REEP3: variants seen among roughly 807,000 people sequenced by gnomAD.
REEP3 encodes receptor expression-enhancing protein 3.
In REEP3, 20 loss-of-function variants were observed where a neutral mutation model predicts 41.3. The observed-to-expected ratio is 0.48, with a 90% CI of 0.34 to 0.70. REEP3 has a LOEUF of 0.70. REEP3 is among the 30% of genes least tolerant of loss of function. REEP3 has a pLI of 0.01. For missense variants in REEP3, 271 were observed against 308.8 expected, an observed-to-expected ratio of 0.88 and a Z score of 0.92; for synonymous variants, 104 against 101.8, an observed-to-expected ratio of 1.02 and a Z score of -0.13.
At position 63,623,150 on chromosome 10, in the gene REEP3, T is replaced by C. The variant is rs1956368242; in HGVS notation, c.*2281T>C. The C allele has an allele frequency of 6.6e-6, 1 of 152,244 alleles. No individual in the cohort carries two copies. Among genetic ancestry groups the C allele is most frequent in the Non-Finnish European group, 1.5e-5 (1 of 68,040 alleles). 9.4% of individuals were successfully genotyped at this position (152,244 alleles called of 1,614,324 possible). A position where few individuals can be genotyped will look rare whatever the true frequency, so the allele number is the denominator to read the frequency against. On this transcript the variant is annotated 3_prime_UTR_variant, in exon 8 of 8. Coordinates refer to ENST00000373758, the MANE Select transcript of REEP3 (RefSeq NM_001001330.3). ...ATCAAAGATAGTCTCAAAGAGGTAG[T>C]ACAAGTCCTGTTTAACTGCACTTTT... is the stretch of plus-strand genomic sequence containing the variant.
In REEP3 at chr10:63,594,874, AG is replaced by A; in HGVS notation, c.182+24del. On this transcript the variant is annotated intron_variant, in intron 3 of 7. Transcript: ENST00000373758. ...TGCTTGGTAAGTTTTACTATTGAGAAGGGGCCAGACTACAGACTCATAATCA... is the reference window on the plus strand; with the variant it reads ...TGCTTGGTAAGTTTTACTATTGAGAAGGGCCAGACTACAGACTCATAATCA... The A allele has an allele frequency of 2.0e-6, 3 of 1,500,926 alleles. No individual in the cohort carries two copies. The highest frequency in any genetic ancestry group is 2.8e-6 in the Non-Finnish European group (3 of 1,076,944). The allele number at this position is 1,500,926 out of a possible 1,614,324, so 93.0% of individuals were successfully genotyped here. A position where few individuals can be genotyped will look rare whatever the true frequency, so the allele number is the denominator to read the frequency against.
chr10:63,529,246 G>A (rs905677205), intron 1 of REEP3, among the ~76,000 whole-genome samples: 1 of 152,120 alleles, frequency 6.6e-6, no homozygotes, highest in African/African-American at 2.4e-5. Context: ...TTTCACTAAT[G>A]AGCCTCTTTC....
intron 1 of REEP3, among the ~76,000 whole-genome samples, chr10:63,542,878 T>C (rs369642588): frequency 6.6e-6 from 1 of 152,232 alleles, no homozygotes; most frequent in African/African-American, 2.4e-5. Context: ...CTCAGCTCTT[T>C]ACTATGTCTC....
intron 1 of REEP3, among the ~76,000 whole-genome samples, chr10:63,536,811 T>C (rs186788925): frequency 1.8e-3 from 271 of 152,328 alleles, no homozygotes; most frequent in Admixed American, 5.4e-3. Flanking sequence ...TGAAATTCCA[T>C]TTCACACTTA....
At chr10:63,603,620 A>G (rs1050529836) in intron 5 of REEP3, among the ~76,000 whole-genome samples, 1 of 152,140 alleles carries the variant, frequency 6.6e-6, no homozygotes, top group African/African-American at 2.4e-5. Flanking sequence ...CCTAAATGAA[A>G]TCAGATACTG....
In REEP3 at chr10:63,569,105, A is replaced by G. The variant is rs145973191; in HGVS notation, c.105+2695A>G. Among the ~76,000 whole-genome samples, 465 of 152,298 alleles carry G rather than the reference A, an allele frequency of 3.1e-3. 2 individuals are homozygous for G. The highest frequency in any genetic ancestry group is 0.011 in the African/African-American group (453 of 41,566). ...ACAGCCTTGTACAATTCCATAGACA[A>G]CACTCTGCCCTACTGTGTAATATTT... On this transcript the variant is annotated intron_variant, in intron 2 of 7. Transcript: ENST00000373758.
chr10:63,600,050 A>G (rs946873812), intron 5 of REEP3, among the ~76,000 whole-genome samples: 109 of 152,298 alleles, frequency 7.2e-4, no homozygotes, highest in Admixed American at 7.1e-3. Flanking sequence ...ATAAACATAA[A>G]TATCATGTGT....
chr10:63,554,616 C>A (rs1955660463), intron 1 of REEP3, among the ~76,000 whole-genome samples: 1 of 152,168 alleles, frequency 6.6e-6, no homozygotes, highest in Admixed American at 6.5e-5. Flanking sequence ...TCATTAATCT[C>A]TCTAAGCCTT....
In REEP3 at chr10:63,610,245, T is replaced by C. The variant is rs763966753; in HGVS notation, c.476T>C (p.Ile159Thr). 6.2e-7 allele frequency: 1 copy of C among 1,603,002 alleles called. No homozygotes were observed. Among genetic ancestry groups the C allele is most frequent in the Non-Finnish European group, 8.5e-7 (1 of 1,174,022 alleles). Residue 159 changes from isoleucine (I) to threonine (T), a missense_variant, in exon 6 of 8, where the codon ATC becomes ACC. Transcript: ENST00000373758. ...TTCAGTATGCATGATTTAACAACTA[T>C]CCAAGGTGATGAGCCTGTGGGACAA... Reference protein sequence around the residue: ...RSFSMHDLTTIQGDEPVGQRP... With the variant: ...RSFSMHDLTTTQGDEPVGQRP...
chr10:63,549,104 A>G (rs1955604484), intron 1 of REEP3, among the ~76,000 whole-genome samples: 1 of 152,234 alleles, frequency 6.6e-6, no homozygotes, highest in Non-Finnish European at 1.5e-5. Flanking sequence ...GAAACCTGAT[A>G]ACCTTGACAT....
At chr10:63,570,448 T>C (rs7100413) in intron 2 of REEP3, among the ~76,000 whole-genome samples, 70,836 of 152,050 alleles carry the variant, frequency 0.47, 16,782 homozygotes, top group Middle Eastern at 0.55. Context: ...AAAGCATTTC[T>C]TTTTATTTAA....
chr10:63,582,784 C>A (rs1955967145), intron 2 of REEP3, among the ~76,000 whole-genome samples: 2 of 151,072 alleles, frequency 1.3e-5, no homozygotes, highest in South Asian at 4.2e-4. Context: ...CCTTAGGCCT[C>A]CACTGTGGCA....
intron 5 of REEP3, among the ~76,000 whole-genome samples, chr10:63,604,257 A>G (rs1956202913): frequency 6.6e-6 from 1 of 152,230 alleles, no homozygotes; most frequent in South Asian, 2.1e-4. Context: ...AGGTCACTGT[A>G]CAAGTTTATT....
intron 1 of REEP3, among the ~76,000 whole-genome samples, chr10:63,558,542 T>G (rs1955711268): frequency 6.6e-6 from 1 of 152,122 alleles, no homozygotes; most frequent in Admixed American, 6.6e-5. Flanking sequence ...ATCCCAGCAC[T>G]TTGGGAGGCC....
Position 63,557,536 on chromosome 10 carries a change from T to C in REEP3, c.33-8802T>C, listed in dbSNP as rs556074550. Among the ~76,000 whole-genome samples the C allele has an allele frequency of 4.6e-5, 7 of 152,330 alleles. No individual in the cohort carries two copies. In the East Asian group the frequency reaches 1.4e-3, roughly 29 times the overall value. On this transcript the variant is annotated intron_variant, in intron 1 of 7. Coordinates refer to ENST00000373758, the MANE Select transcript of REEP3 (RefSeq NM_001001330.3). ...TATTCTATTGTTTAAATTAATTACC[T>C]ACGTTAAATTTATCAACAACAAAGA...
At chr10:63,550,749 G>A (rs1239206534) in intron 1 of REEP3, among the ~76,000 whole-genome samples, 2 of 152,086 alleles carry the variant, frequency 1.3e-5, no homozygotes, top group African/African-American at 4.8e-5. Flanking sequence ...GGTTAAGGAA[G>A]GATAAGGATG....
At chr10:63,543,721 T>C (rs939850262) in intron 1 of REEP3, among the ~76,000 whole-genome samples, 1 of 152,186 alleles carries the variant, frequency 6.6e-6, no homozygotes, top group African/African-American at 2.4e-5. Context: ...GGCCTGGGGA[T>C]GCAGAGCTAA....
chr10:63,570,329 A>T (rs1302605964), intron 2 of REEP3, among the ~76,000 whole-genome samples: 2 of 152,274 alleles, frequency 1.3e-5, no homozygotes, highest in African/African-American at 4.8e-5. Flanking sequence ...GTGTGTATTT[A>T]GTTACATAGT....
chr10:63,535,957 A>G (rs992482031), intron 1 of REEP3, among the ~76,000 whole-genome samples: 3 of 152,190 alleles, frequency 2.0e-5, no homozygotes, highest in African/African-American at 7.2e-5. Context: ...AACAAACCAT[A>G]GAGGAAGCAA....
Sources: gnomAD v4.1 joint callset for allele counts (sites outside exome capture counted in the v4.1 genomes callset) on GRCh38, gnomAD v4.1.1 for gene constraint, MANE v1.5 for transcripts, NCBI Gene and HGNC (gene_info 2026-07-23, HGNC 2026-07-21) for gene names.